The following PTPRD variants were observed in gnomAD, a reference collection of about 807,000 sequenced individuals.
The protein encoded by PTPRD is receptor-type tyrosine-protein phosphatase delta.
Under a neutral mutation model 214.5 loss-of-function variants are expected in PTPRD, and 34 were observed. The observed-to-expected ratio is 0.16, with a 90% CI of 0.12 to 0.21. The LOEUF (loss-of-function observed/expected upper bound fraction) is 0.21. PTPRD is among the 10% of genes least tolerant of loss of function. The pLI is 1.00. For missense variants in PTPRD, 2,545 were observed against 2,398.7 expected (o/e 1.06, Z -1.27); for synonymous variants, 1,128 against 845.7 (o/e 1.33, Z -5.79).
intron 9 of PTPRD, among the ~76,000 whole-genome samples, chr9:9,385,237 T>G (rs559426681): frequency 6.6e-6 from 1 of 152,318 alleles, no homozygotes; most frequent in Admixed American, 6.5e-5. Flanking sequence ...TCATTTGGAC[T>G]TTCAAGCACT....
intron 5 of PTPRD, among the ~76,000 whole-genome samples, chr9:9,930,336 G>C (rs753769199): frequency 2.0e-5 from 3 of 152,172 alleles, no homozygotes; most frequent in African/African-American, 7.2e-5. Flanking sequence ...AATAAAAAGG[G>C]CAAGAATGGA....
At chr9:9,786,360 C>T (rs928174027) in intron 5 of PTPRD, among the ~76,000 whole-genome samples, 1 of 152,104 alleles carries the variant, frequency 6.6e-6, no homozygotes, top group Non-Finnish European at 1.5e-5. Flanking sequence ...TGGTGGAAAA[C>T]TTTATTAGCA....
chr9:8,859,244 T>G (rs1312957666), intron 11 of PTPRD, among the ~76,000 whole-genome samples: 1 of 152,212 alleles, frequency 6.6e-6, no homozygotes, highest in Non-Finnish European at 1.5e-5. Flanking sequence ...CCTCAGCTTC[T>G]CTGAAGGACA....
At chr9:9,534,375 G>T (rs1457433001) in intron 8 of PTPRD, among the ~76,000 whole-genome samples, 1 of 151,954 alleles carries the variant, frequency 6.6e-6, no homozygotes, top group Non-Finnish European at 1.5e-5. Context: ...TTCTCATTTG[G>T]CTTTGTTTAG....
chr9:9,717,449 C>T (rs996911780), intron 7 of PTPRD, among the ~76,000 whole-genome samples: 1 of 152,078 alleles, frequency 6.6e-6, no homozygotes, highest in Non-Finnish European at 1.5e-5. Context: ...GGCAGTATGG[C>T]CATTTTCATG....
chr9:9,563,705 C>T lies in PTPRD; in HGVS notation c.-237+11027G>A, dbSNP rs150995777. Among the ~76,000 whole-genome samples, 465 of 152,214 alleles carry T rather than the reference C, an allele frequency of 3.1e-3. 2 individuals are homozygous for T. Among genetic ancestry groups the T allele is most frequent in the African/African-American group, 0.011 (441 of 41,538 alleles). On this transcript the variant is annotated intron_variant, in intron 8 of 45. Coordinates refer to ENST00000381196, the MANE Select transcript of PTPRD (RefSeq NM_002839.4). ...CAACCATATAAACAAAACCATAAAG[C>T]TTCCATTAAGTAATATCCCATGCAT...
At chr9:10,195,134 G>A (rs1349172053) in intron 3 of PTPRD, among the ~76,000 whole-genome samples, 2 of 119,256 alleles carry the variant, frequency 1.7e-5, no homozygotes, top group African/African-American at 3.0e-5. Flanking sequence ...ATTTTTAGTA[G>A]AGACAGGGTT....
chr9:8,974,691 A>C (rs1256862789), intron 11 of PTPRD, among the ~76,000 whole-genome samples: 1 of 152,078 alleles, frequency 6.6e-6, no homozygotes, highest in Non-Finnish European at 1.5e-5. Flanking sequence ...TGTCATCTAT[A>C]ACCGACTTTA....
At chr9:8,396,098 G>A (rs977730306) in intron 36 of PTPRD, among the ~76,000 whole-genome samples, 2 of 151,908 alleles carry the variant, frequency 1.3e-5, no homozygotes, top group African/African-American at 2.4e-5. Context: ...GACTACAGAA[G>A]CTCTATGTGT....
rs904356668 is a variant in PTPRD, at chr9:9,472,332, T to C, written c.-236-74850A>G. ...CATTCTCCTGCCTCAGCCTCCCGAG[T>C]AGCTGGGACTACAGGCGCCCGCCAC... On this transcript the variant is annotated intron_variant, in intron 8 of 45. Coordinates refer to ENST00000381196, the MANE Select transcript of PTPRD (RefSeq NM_002839.4). 4.1e-3 allele frequency among the ~76,000 whole-genome samples: 626 copies of C among 151,306 alleles called. 1 individual carries two copies. The highest frequency in any genetic ancestry group is 0.013 in the African/African-American group (555 of 41,238).
intron 4 of PTPRD, among the ~76,000 whole-genome samples, chr9:9,948,680 T>G (rs2093094979): frequency 6.6e-6 from 1 of 152,076 alleles, no homozygotes; most frequent in South Asian, 2.1e-4. Context: ...GTAAGAAGTG[T>G]ATTCACTTAA....
At chr9:8,503,868 G>C (rs761306714) in intron 23 of PTPRD, among the ~76,000 whole-genome samples, 2 of 151,612 alleles carry the variant, frequency 1.3e-5, no homozygotes, top group Non-Finnish European at 2.9e-5. Flanking sequence ...AAAAAATAAA[G>C]TTTTTTTTTG....
At chr9:10,043,655 T>A (rs980864487) in intron 3 of PTPRD, among the ~76,000 whole-genome samples, 1 of 151,752 alleles carries the variant, frequency 6.6e-6, no homozygotes, top group Non-Finnish European at 1.5e-5. Flanking sequence ...AAAGGTGAGA[T>A]GATGGTTCAC....
At chr9:9,751,336 T>G (rs899499610) in intron 6 of PTPRD, among the ~76,000 whole-genome samples, 1 of 152,142 alleles carries the variant, frequency 6.6e-6, no homozygotes, top group Non-Finnish European at 1.5e-5. Context: ...CAAGTGGATA[T>G]GAAGTCCAAC....
At chr9:10,494,352 T>C (rs1442349230) in intron 2 of PTPRD, among the ~76,000 whole-genome samples, 4 of 151,830 alleles carry the variant, frequency 2.6e-5, no homozygotes, top group Non-Finnish European at 4.4e-5. Context: ...GATAAATATA[T>C]ATAAGATCAT....
At chr9:8,991,233 A>G (rs1436756510) in intron 11 of PTPRD, among the ~76,000 whole-genome samples, 1 of 151,630 alleles carries the variant, frequency 6.6e-6, no homozygotes, top group Non-Finnish European at 1.5e-5. Flanking sequence ...AAAAAAAAAA[A>G]AAAAGTTGGT....
chr9:8,633,498 A>G, intron 13 of PTPRD, 40 bp from the exon 14 acceptor site: 1 of 1,603,518 alleles, frequency 6.2e-7, no homozygotes, highest in Non-Finnish European at 8.5e-7. Context: ...TGTTGTTACA[A>G]TTGTCTACCT....
chr9:10,390,050 C>T (rs993418779), intron 2 of PTPRD, among the ~76,000 whole-genome samples: 2 of 151,704 alleles, frequency 1.3e-5, no homozygotes, highest in African/African-American at 4.8e-5. Context: ...ACATGGCTCA[C>T]AATTGCAATT....
chr9:9,311,192 G>C (rs780704173), intron 9 of PTPRD, among the ~76,000 whole-genome samples: 1 of 152,012 alleles, frequency 6.6e-6, no homozygotes, highest in Non-Finnish European at 1.5e-5. Flanking sequence ...TGAATTAGCT[G>C]TTTTCATTCT....
Sources: gnomAD v4.1 joint callset for allele counts (sites outside exome capture counted in the v4.1 genomes callset) on GRCh38, gnomAD v4.1.1 for gene constraint, MANE v1.5 for transcripts, NCBI Gene and HGNC (gene_info 2026-07-23, HGNC 2026-07-21) for gene names.